The following CD6 variants were observed in gnomAD, a reference collection of about 807,000 sequenced individuals.
CD6 encodes the protein CD6 molecule.
A neutral mutation model predicts 75.3 loss-of-function variants in CD6; 53 were observed. The observed-to-expected ratio is 0.70, with a 90% CI of 0.56 to 0.88. CD6 has a LOEUF of 0.88. Ranked by LOEUF, CD6 falls within the 40% of genes least tolerant of loss-of-function variation. CD6 has a pLI of 0.00. For synonymous variants in CD6, 359 were observed against 381.5 expected (o/e 0.94, Z 0.69); for missense variants, 770 against 897.1 (o/e 0.86, Z 1.81).
At chr11:61,013,185 G>A (rs990189826) in intron 6 of CD6, among the ~76,000 whole-genome samples, 5 of 152,186 alleles carry the variant, frequency 3.3e-5, no homozygotes, top group African/African-American at 1.2e-4. Flanking sequence ...CAGCCTGGTG[G>A]CCAGAGTTCT....
In CD6 at chr11:61,013,950, A is replaced by G. The variant is rs781268732; in HGVS notation, c.1323A>G (p.Leu441=). The part of the protein sequence containing the change: ...ALPVMVNHQH[L]PTTIPAGSNS... ...CCGTAATGGTGAACCACCAGCACCT[A>G]CCCACCACCATCCCGGCAGGGAGCA... Residue 441 remains leucine, a synonymous_variant, in exon 8 of 13, where the codon CTA becomes CTG. Coordinates refer to ENST00000313421, the MANE Select transcript of CD6 (RefSeq NM_006725.5). The G allele has an allele frequency of 1.2e-6, 2 of 1,613,470 alleles. No homozygotes were observed. Among genetic ancestry groups the G allele is most frequent in the East Asian group, 4.5e-5 (2 of 44,780 alleles).
At chr11:61,002,927 A>C (rs1858660460) in intron 1 of CD6, among the ~76,000 whole-genome samples, 1 of 151,104 alleles carries the variant, frequency 6.6e-6, no homozygotes, top group Non-Finnish European at 1.5e-5. Context: ...TCCGTTCATG[A>C]AGGCAGACTC....
intron 1 of CD6, chr11:60,988,084 G>A (rs1028345151): frequency 3.9e-5 from 6 of 152,258 alleles, no homozygotes; most frequent in African/African-American, 1.2e-4. Context: ...AGCTGAGAGT[G>A]TGAGATCAGA....
intron 6 of CD6, among the ~76,000 whole-genome samples, chr11:61,011,654 T>C (rs1007850338): frequency 3.3e-5 from 5 of 152,170 alleles, no homozygotes; most frequent in African/African-American, 1.2e-4. Flanking sequence ...GAGCTGAGGC[T>C]CCGAGGCTGA....
At chr11:61,008,953 T>A (rs1859014751) in intron 4 of CD6, 108 bp downstream of exon 4, 1 of 956,822 alleles carries the variant, frequency 1.0e-6, no homozygotes, top group Non-Finnish European at 1.5e-6. Flanking sequence ...GCCCTTGAGA[T>A]GTCACAGTTC....
chr11:61,018,130 G>A (rs537840632), intron 11 of CD6, 117 bp downstream of exon 11: 13 of 1,384,816 alleles, frequency 9.4e-6, no homozygotes, highest in South Asian at 9.3e-5. Context: ...GCAGCCATTC[G>A]CTGTGTGCCC....
chr11:61,013,981 T>C lies in CD6; in HGVS notation c.1354T>C (p.Tyr452His), dbSNP rs759074109. 6.2e-7 allele frequency: 1 copy of C among 1,613,630 alleles called. No individual in the cohort carries two copies. The highest frequency in any genetic ancestry group is 1.1e-5 in the South Asian group (1 of 90,980). Residue 452 changes from tyrosine to histidine, a missense_variant, in exon 8 of 13, where the codon TAT (tyrosine) becomes CAT (histidine). Physicochemically the swap from Tyr to His is moderately conservative, Grantham distance 83 (BLOSUM62 2). Transcript: ENST00000313421. The part of the protein sequence containing the change: ...PTTIPAGSNS[Y>H]QPVPITIPKE... ...CACCATCCCGGCAGGGAGCAATAGC[T>C]ATCAACCGGTCCCCATCACCATCCC...
At chr11:60,987,064 G>A (rs998153033) in intron 1 of CD6, among the ~76,000 whole-genome samples, 6 of 152,134 alleles carry the variant, frequency 3.9e-5, no homozygotes, top group Non-Finnish European at 7.4e-5. Context: ...GGAGGCAGAG[G>A]TTGCAGTGAG....
At chr11:60,976,866 AAC>A (rs1236156043) in intron 1 of CD6, among the ~76,000 whole-genome samples, 3 of 152,188 alleles carry the variant, frequency 2.0e-5, no homozygotes, top group African/African-American at 7.2e-5. Context: ...GACTGAATTA[AAC>A]ACACATGTTT....
At chr11:61,018,152 T>C in intron 11 of CD6, 137 bp from the exon 12 acceptor site, 1 of 1,291,470 alleles carries the variant, frequency 7.7e-7, no homozygotes, top group Non-Finnish European at 1.1e-6. Flanking sequence ...TGGACACATC[T>C]CCCATCTCTG....
At chr11:61,009,426 CAG>C in intron 4 of CD6, 144 bp from the exon 5 acceptor site, 1 of 726,864 alleles carries the variant, frequency 1.4e-6, no homozygotes, top group South Asian at 1.9e-5. Context: ...GGGCAGGTGA[CAG>C]GGGGACACAG....
chr11:60,982,665 A>G (rs1857619937), intron 1 of CD6: 2 of 455,944 alleles, frequency 4.4e-6, no homozygotes, highest in Non-Finnish European at 8.8e-6. Flanking sequence ...TTGGAGAAAT[A>G]TGTTGCTTTG....
intron 9 of CD6, among the ~76,000 whole-genome samples, chr11:61,016,585 T>C (rs1359054415): frequency 6.6e-6 from 1 of 152,208 alleles, no homozygotes; most frequent in Non-Finnish European, 1.5e-5. Flanking sequence ...TTCATCTACA[T>C]GGTCCAGAAT....
At chr11:60,972,786 A>G (rs1386708061) in intron 1 of CD6, among the ~76,000 whole-genome samples, 9 of 152,168 alleles carry the variant, frequency 5.9e-5, no homozygotes, top group Admixed American at 5.9e-4. Flanking sequence ...AGGAAGACCC[A>G]GTCAGGAGGG....
intron 1 of CD6, among the ~76,000 whole-genome samples, chr11:60,976,831 T>G (rs1857382110): frequency 6.6e-6 from 1 of 152,230 alleles, no homozygotes; most frequent in Admixed American, 6.5e-5. Flanking sequence ...ACATCTGCCG[T>G]GCATCTGGCC....
chr11:60,974,701 T>G (rs2134984641), intron 1 of CD6, among the ~76,000 whole-genome samples: 1 of 152,326 alleles, frequency 6.6e-6, no homozygotes, highest in Admixed American at 6.5e-5. Context: ...ATCAGCCAAC[T>G]AAGGATGAAG....
chr11:60,977,130 G>A (rs1372670667), intron 1 of CD6, among the ~76,000 whole-genome samples: 1 of 152,098 alleles, frequency 6.6e-6, no homozygotes, highest in East Asian at 1.9e-4. Context: ...GCTGCCCATG[G>A]CCCTCCTCAT....
At chr11:61,013,373 G>A (rs1859241053) in intron 6 of CD6, 50 bp from the exon 7 acceptor site, 3 of 1,599,190 alleles carry the variant, frequency 1.9e-6, no homozygotes, top group Non-Finnish European at 2.6e-6. Context: ...GCAAGAAGAA[G>A]GGTGAGTGCC....
At position 61,020,278 on chromosome 11, in the gene CD6, A is replaced by C; in HGVS notation, c.*960A>C. The stretch of plus-strand genomic sequence containing the variant: ...TGTGGTGTTGCACCCGGGGCTGCAA[A>C]CGTCTCCGTGCAGCCCCCAGAGAGA... On this transcript the variant is annotated 3_prime_UTR_variant, in exon 13 of 13. Transcript: ENST00000313421. The C allele has an allele frequency of 2.5e-6, 1 of 398,962 alleles. No individual in the cohort carries two copies. 24.7% of individuals were successfully genotyped at this position (398,962 alleles called of 1,614,324 possible).
Sources: allele counts gnomAD v4.1 joint callset (sites outside exome capture counted in the v4.1 genomes callset), GRCh38; gene constraint gnomAD v4.1.1; transcripts MANE v1.5; gene names NCBI Gene and HGNC (gene_info 2026-07-23, HGNC 2026-07-21).